Variants in FAM120AOS observed in about 807,000 individuals in gnomAD.
The protein encoded by FAM120AOS is uncharacterized protein FAM120AOS.
A neutral mutation model predicts 20.2 loss-of-function variants in FAM120AOS; 15 were observed. The ratio of observed to expected loss-of-function variants is 0.74; its 90% CI spans 0.50 to 1.15. The LOEUF (loss-of-function observed/expected upper bound fraction) is 1.15, where lower values mean the gene tolerates loss of function less well. Ranked by LOEUF, FAM120AOS falls within the 50% of genes most tolerant of loss-of-function variation. FAM120AOS has a pLI of 0.00. For missense variants in FAM120AOS, 327 were observed against 351.9 expected (o/e 0.93, Z 0.57); for synonymous variants, 154 against 154.0 (o/e 1.00, Z 0.00).
At position 93,452,507 on chromosome 9, in the gene FAM120AOS, G is replaced by A. The variant is rs937037051; in HGVS notation, c.203C>T (p.Ala68Val). 7.1e-6 allele frequency: 11 copies of A among 1,548,738 alleles called. No individual in the cohort carries two copies. In the African/African-American group the frequency reaches 1.1e-4, roughly 15 times the overall value. ...PGPARLSRAR[A>V]GGTRCPQRRH... ...GCGCTGGGGGCAGCGAGTTCCCCCA[G>A]CCCTTGCCCGGGATAGCCTGGCCGG... is the stretch of plus-strand genomic sequence containing the variant. The change falls in exon 1 of 3, where the codon GCT (alanine) becomes GTT (valine). Residue 68 changes from alanine (A) to valine (V), a missense_variant. This residue lies in a region of FAM120AOS where 155 missense variants were observed against 128.8 expected (regional missense o/e 1.20). Transcript: ENST00000375412. This position sits in a 1 kb window ranked among gnomAD's most constrained non-coding sequence, Gnocchi z 7.0.
rs928635922 is a variant in FAM120AOS at position 93,453,581 on chromosome 9, T to G, written c.-872A>C. On this transcript the variant is annotated 5_prime_UTR_variant, in exon 1 of 3. Coordinates refer to ENST00000375412, the MANE Select transcript of FAM120AOS (RefSeq NM_198841.4). ...GCGAGGAGATGGTGGTAGTTAAGCC[T>G]AAAATGATAGCGGAAGTCCCACCCA... The G allele has an allele frequency of 3.0e-6, 3 of 985,300 alleles. No individual in the cohort carries two copies. The highest frequency in any genetic ancestry group is 3.6e-6 in the Non-Finnish European group (3 of 829,944). 61.0% of individuals were successfully genotyped at this position (985,300 alleles called of 1,614,324 possible).
chr9:93,448,511 AAAAT>A, intron 2 of FAM120AOS: 1 of 196,386 alleles, frequency 5.1e-6, no homozygotes, highest in Non-Finnish European at 1.1e-5. Context: ...AAAAATAAAT[AAAAT>A]AAATACAAAA....
At chr9:93,451,663 G>A (rs1339735306) in intron 1 of FAM120AOS, 1 of 960,006 alleles carries the variant, frequency 1.0e-6, no homozygotes, top group Non-Finnish European at 1.2e-6. Context: ...GCCCCGCCCC[G>A]GCCCTCAGCC....
Position 93,445,597 on chromosome 9 carries a change from T to G in FAM120AOS, c.*2014A>C, listed in dbSNP as rs889231513. On this transcript the variant is annotated 3_prime_UTR_variant, in exon 3 of 3. Coordinates refer to ENST00000375412, the MANE Select transcript of FAM120AOS (RefSeq NM_198841.4). The stretch of plus-strand genomic sequence containing the variant: ...TAAAAATCGTTGTTTTTTTTTTTTT[T>G]TTTTTTTTTTGAGACAAGGCCTCAC... Among the ~76,000 whole-genome samples the G allele has an allele frequency of 1.4e-5, 2 of 143,594 alleles. No homozygotes were observed. The highest frequency in any genetic ancestry group is 2.7e-5 in the African/African-American group (1 of 37,310). The allele number at this position is 143,594 out of a possible 152,430, so 94.2% of individuals were successfully genotyped here. A position where few individuals can be genotyped will look rare whatever the true frequency, so the allele number is the denominator to read the frequency against.
chr9:93,451,660 C>A, intron 1 of FAM120AOS: 1 of 982,214 alleles, frequency 1.0e-6, no homozygotes, highest in Non-Finnish European at 1.2e-6. Context: ...CCCGCCCCGC[C>A]CCGGCCCTCA....
chr9:93,449,492 A>ATTTTTTTTTTTTTTTT (rs10667664), intron 2 of FAM120AOS, among the ~76,000 whole-genome samples: 1 of 109,534 alleles, frequency 9.1e-6, no homozygotes. Context: ...TGGCACTGGC[A>ATTTTTTTTTTTTTTTT]TTTTTTTTTT....
In FAM120AOS at chr9:93,450,578, T is replaced by C. The variant is rs779425724; in HGVS notation, c.585A>G (p.Gly195=). The C allele has an allele frequency of 1.2e-5, 19 of 1,606,980 alleles. No individual in the cohort carries two copies. Among genetic ancestry groups the C allele is most frequent in the African/African-American group, 1.3e-5 (1 of 74,292 alleles). The change falls in exon 2 of 3, where the codon GGA becomes GGG. Residue 195 remains glycine, a synonymous_variant. Coordinates refer to ENST00000375412, the MANE Select transcript of FAM120AOS (RefSeq NM_198841.4). ...SAARNLCRGA[G]CNRQAVAGQL... ...GTCCGGCCACAGCCTGTCGGTTGCA[T>C]CCTGCTCCTCTACAGAGGTTTCTCC...
At chr9:93,451,822 C>G in intron 1 of FAM120AOS, 1 of 964,650 alleles carries the variant, frequency 1.0e-6, no homozygotes, top group Non-Finnish European at 1.2e-6. Context: ...GAGGCCGCCG[C>G]CCCCGCCCGC....
rs747899074 is a variant in FAM120AOS at position 93,452,383 on chromosome 9, C to T, written c.327G>A (p.Thr109=). The change falls in exon 1 of 3, where the codon ACG becomes ACA. Residue 109 remains threonine (T), a synonymous_variant. Coordinates refer to ENST00000375412, the MANE Select transcript of FAM120AOS (RefSeq NM_198841.4). This position sits in a 1 kb window ranked among gnomAD's most constrained non-coding sequence, Gnocchi z 7.0. ...TCCGCCTGGCGCTCATCCGCTTCCACGTCAAGGTGAGGCCGGGGATCCGGG... is the reference window on the plus strand; with the variant it reads ...TCCGCCTGGCGCTCATCCGCTTCCATGTCAAGGTGAGGCCGGGGATCCGGG... ...RPARIPGLTL[T]WKRMSARRMQ... is the part of the protein sequence containing the mutation. The T allele has an allele frequency of 4.4e-6, 7 of 1,607,816 alleles. No homozygotes were observed. In the African/African-American group the frequency reaches 8.0e-5, roughly 18 times the overall value.
At position 93,452,047 on chromosome 9, in the gene FAM120AOS, G is replaced by C. The variant is rs1209957258; in HGVS notation, c.563+100C>G. On this transcript the variant is annotated intron_variant, in intron 1 of 2. Transcript: ENST00000375412. This position sits in a 1 kb window ranked among gnomAD's most constrained non-coding sequence, Gnocchi z 7.0. ...GGCAGCGGCCCCCGCAGACCCCGCTGCGCCTGCTGGTGGACGCCGACAACT... is the reference window on the plus strand; with the variant it reads ...GGCAGCGGCCCCCGCAGACCCCGCTCCGCCTGCTGGTGGACGCCGACAACT... The C allele has an allele frequency of 1.9e-6, 3 of 1,579,868 alleles. No individual in the cohort carries two copies. Among genetic ancestry groups the C allele is most frequent in the East Asian group, 2.3e-5 (1 of 43,484 alleles).
rs1164934666 is a variant in FAM120AOS at position 93,452,936 on chromosome 9, C to T, written c.-227G>A. 22 of 1,411,684 alleles carry T rather than the reference C, an allele frequency of 1.6e-5. No homozygotes were observed. Among genetic ancestry groups the T allele is most frequent in the South Asian group, 3.1e-5 (2 of 64,698 alleles). 87.4% of individuals were successfully genotyped at this position (1,411,684 alleles called of 1,614,324 possible). ...GTGACAGCGAGACGTGTCTAAGGGC[C>T]AGTGCCCTGGCCTCTACTTCAGAAC... On this transcript the variant is annotated 5_prime_UTR_variant, in exon 1 of 3. Transcript: ENST00000375412. The surrounding 1 kb of genome is among the most constrained non-coding windows in gnomAD (Gnocchi z 7.0).
At chr9:93,448,675 T>C (rs944140491) in intron 2 of FAM120AOS, among the ~76,000 whole-genome samples, 8 of 152,122 alleles carry the variant, frequency 5.3e-5, no homozygotes, top group Admixed American at 2.6e-4. Context: ...TAGAATGCAG[T>C]GGCGTGATCT....
chr9:93,444,242 G>C lies in FAM120AOS; in HGVS notation c.*3369C>G, dbSNP rs1034879280. On this transcript the variant is annotated 3_prime_UTR_variant, in exon 3 of 3. Coordinates refer to ENST00000375412, the MANE Select transcript of FAM120AOS (RefSeq NM_198841.4). Reference sequence around the variant, plus strand: ...TTTAGTAGAGACAGGGTTTCTCCATGTTGGTCAGGCTGGTCTTGAACTCCT... The same window carrying C: ...TTTAGTAGAGACAGGGTTTCTCCATCTTGGTCAGGCTGGTCTTGAACTCCT... Among the ~76,000 whole-genome samples the C allele has an allele frequency of 6.6e-6, 1 of 152,076 alleles. No homozygotes were observed. The highest frequency in any genetic ancestry group is 1.5e-5 in the Non-Finnish European group (1 of 68,022).
chr9:93,453,582 A>G (rs1857393709), upstream of FAM120AOS: 1 of 985,314 alleles, frequency 1.0e-6, no homozygotes, highest in African/African-American at 1.7e-5. Flanking sequence ...AGTTAAGCCT[A>G]AAATGATAGC....
At position 93,452,363 on chromosome 9, in the gene FAM120AOS, C is replaced by A; in HGVS notation, c.347G>T (p.Arg116Met). 6.2e-7 allele frequency: 1 copy of A among 1,611,102 alleles called. No individual in the cohort carries two copies. Among genetic ancestry groups the A allele is most frequent in the South Asian group, 1.1e-5 (1 of 90,596 alleles). Residue 116 changes from arginine to methionine, a missense_variant, in exon 1 of 3, where the codon AGG (arginine) becomes ATG (methionine). Physicochemically the swap from Arg to Met is moderately conservative, Grantham distance 91. Around this residue, in one of 3 missense-constraint regions of FAM120AOS, gnomAD observed 86 missense variants for 140.2 expected, o/e 0.61. Coordinates refer to ENST00000375412, the MANE Select transcript of FAM120AOS (RefSeq NM_198841.4). The surrounding 1 kb of genome is among the most constrained non-coding windows in gnomAD (Gnocchi z 7.0). ...CGTCTGCATGGCCCACTGCATCCGC[C>A]TGGCGCTCATCCGCTTCCACGTCAA... ...LTLTWKRMSA[R>M]RMQWAMQTGG...
rs149142463 is a variant in FAM120AOS at position 93,443,861 on chromosome 9, CTCTGAT to C, written c.*3744_*3749del. On this transcript the variant is annotated 3_prime_UTR_variant, in exon 3 of 3. Transcript: ENST00000375412. The stretch of plus-strand genomic sequence containing the variant: ...TCTGGCTTAGAAAGATGGGCTTTCT[CTCTGAT>C]GATTACCTGCCTACACTGCCTGCTC... 0.024 allele frequency among the ~76,000 whole-genome samples: 3,614 copies of C among 152,284 alleles called. 68 individuals are homozygous for C. Among genetic ancestry groups the C allele is most frequent in the Middle Eastern group, 0.031 (9 of 294 alleles).
intron 1 of FAM120AOS, chr9:93,451,241 C>G (rs1029241018): frequency 2.9e-5 from 44 of 1,519,102 alleles, no homozygotes; most frequent in Admixed American, 4.1e-5. Context: ...GGCGGCGTCC[C>G]GACGAACAGA....
At chr9:93,449,226 A>T (rs952815002) in intron 2 of FAM120AOS, among the ~76,000 whole-genome samples, 9 of 152,206 alleles carry the variant, frequency 5.9e-5, no homozygotes, top group Non-Finnish European at 1.2e-4. Context: ...AATAACTACA[A>T]AAGCCAACAT....
chr9:93,450,782 G>T, intron 1 of FAM120AOS, 183 bp from the exon 2 acceptor site: 1 of 1,081,806 alleles, frequency 9.2e-7, no homozygotes, highest in Non-Finnish European at 1.4e-6. Flanking sequence ...ACAGAGCTTT[G>T]GAACAGAATT....
Sources: allele counts gnomAD v4.1 joint callset (sites outside exome capture counted in the v4.1 genomes callset), GRCh38; gene constraint gnomAD v4.1.1; regional missense constraint gnomAD v4.1.1; non-coding constraint Gnocchi (gnomAD v3.1); transcripts MANE v1.5; gene names NCBI Gene and HGNC (gene_info 2026-07-23, HGNC 2026-07-21).